The following ACSM4 variants were observed in gnomAD, a reference collection of about 807,000 sequenced individuals.
The protein encoded by ACSM4 is acyl-CoA synthetase medium chain family member 4.
A neutral mutation model predicts 73.0 loss-of-function variants in ACSM4; 66 were observed. The observed-to-expected ratio is 0.90, with a 90% confidence interval of 0.74 to 1.11. The LOEUF is 1.11. Among genes scored for constraint, ACSM4 ranks in the 50% least tolerant of loss-of-function variants. The probability of loss-of-function intolerance (pLI) is 0.00; values close to 1 mark genes in which losing one functional copy is unlikely to be tolerated. For missense variants in ACSM4, 645 were observed against 714.4 expected (o/e 0.90, Z 1.11); for synonymous variants, 222 against 254.0 (o/e 0.87, Z 1.20).
Position 7,326,985 on chromosome 12 carries a change from G to A in ACSM4, c.1546G>A (p.Ala516Thr), listed in dbSNP as rs762630201. 6.2e-7 allele frequency: 1 copy of A among 1,603,686 alleles called. No individual in the cohort carries two copies. Among genetic ancestry groups the A allele is most frequent in the South Asian group, 1.1e-5 (1 of 87,938 alleles). Reference sequence around the variant, plus strand: ...AACTTTTCTGTTGCAGGTGGTGAAAGCTTTTGTTGTCTTAGCTGCACCCTT... The same window carrying A: ...AACTTTTCTGTTGCAGGTGGTGAAAACTTTTGTTGTCTTAGCTGCACCCTT... ...PDQIRGEVVK[A>T]FVVLAAPFKS... The change falls in exon 12 of 13, where the codon GCT becomes ACT. Residue 516 changes from alanine (A) to threonine (T), a missense_variant. Ala to Thr is a moderately conservative substitution (Grantham distance 58, BLOSUM62 0). Coordinates refer to ENST00000399422, the MANE Select transcript of ACSM4 (RefSeq NM_001080454.2).
chr12:7,322,588 GC>G (rs1946472373), intron 7 of ACSM4, 47 bp downstream of exon 7: 1 of 1,554,518 alleles, frequency 6.4e-7, no homozygotes, highest in Non-Finnish European at 8.7e-7. Flanking sequence ...GGGCCTTTCT[GC>G]CCCAGGTTTT....
rs371225115 is a variant in ACSM4, at chr12:7,324,269, C to T, written c.1309-4C>T. 2.5e-6 allele frequency: 4 copies of T among 1,611,350 alleles called. No homozygotes were observed. The highest frequency in any genetic ancestry group is 3.4e-6 in the Non-Finnish European group (4 of 1,179,240). On this transcript the variant is annotated splice_region_variant and splice_polypyrimidine_tract_variant and intron_variant, in intron 9 of 12. Coordinates refer to ENST00000399422, the MANE Select transcript of ACSM4 (RefSeq NM_001080454.2). Reference sequence around the variant, plus strand: ...AATCCCCAAATGTCATCCTTGGTTCCCAGGACAATCCACAGAAAACTGCTG... The same window carrying T: ...AATCCCCAAATGTCATCCTTGGTTCTCAGGACAATCCACAGAAAACTGCTG...
chr12:7,312,992 TA>T (rs1946400009), intron 3 of ACSM4, among the ~76,000 whole-genome samples: 1 of 152,168 alleles, frequency 6.6e-6, no homozygotes, highest in Non-Finnish European at 1.5e-5. Context: ...ATACCAAAAA[TA>T]AAAATTTTAG....
Position 7,324,316 on chromosome 12 carries a change from A to G in ACSM4, c.1352A>G (p.Tyr451Cys), listed in dbSNP as rs752485354. The change falls in exon 10 of 13, where the codon TAT (tyrosine) becomes TGT (cysteine). Residue 451 changes from tyrosine (Y) to cysteine (C), a missense_variant. Physicochemically the swap from Tyr to Cys is radical, Grantham distance 194. Transcript: ENST00000399422. ...GCTGCCACGATAAGAGGAGATTTTTATGTCACTGGAGACAGAGGAGTGATG... is the reference window on the plus strand; with the variant it reads ...GCTGCCACGATAAGAGGAGATTTTTGTGTCACTGGAGACAGAGGAGTGATG... Reference protein sequence around the residue: ...KTAATIRGDFYVTGDRGVMDS... With the variant: ...KTAATIRGDFCVTGDRGVMDS... The G allele has an allele frequency of 1.2e-6, 2 of 1,613,878 alleles. No individual in the cohort carries two copies. Among genetic ancestry groups the G allele is most frequent in the Admixed American group, 3.3e-5 (2 of 60,004 alleles).
chr12:7,308,392 G>A (rs1258270322), intron 2 of ACSM4, among the ~76,000 whole-genome samples: 1 of 152,156 alleles, frequency 6.6e-6, no homozygotes, highest in Admixed American at 6.5e-5. Context: ...GCAAGGAGGT[G>A]AGATTATATT....
intron 5 of ACSM4, 163 bp downstream of exon 5, chr12:7,318,345 G>T: frequency 1.2e-6 from 1 of 814,226 alleles, no homozygotes; most frequent in Non-Finnish European, 1.8e-6. Context: ...AAACGTATTT[G>T]ACAGAATGGA....
chr12:7,321,695 G>A (rs1343802320), intron 6 of ACSM4, among the ~76,000 whole-genome samples: 1 of 152,220 alleles, frequency 6.6e-6, no homozygotes, highest in Non-Finnish European at 1.5e-5. Flanking sequence ...GGCTGTTCCA[G>A]GCTTTCTCAC....
intron 5 of ACSM4, 91 bp from the exon 6 acceptor site, chr12:7,320,634 A>T: frequency 9.4e-7 from 1 of 1,068,328 alleles, no homozygotes; most frequent in Non-Finnish European, 1.4e-6. Flanking sequence ...GGCACATATT[A>T]ATGGAAGAAA....
chr12:7,316,048 G>A lies in ACSM4; in HGVS notation c.621-1089G>A, dbSNP rs779494003. Among the ~76,000 whole-genome samples the A allele has an allele frequency of 1.9e-4, 29 of 152,320 alleles. No individual in the cohort carries two copies. The East Asian group carries it at 4.1e-3, about 21-fold the overall frequency. On this transcript the variant is annotated intron_variant, in intron 3 of 12. Coordinates refer to ENST00000399422, the MANE Select transcript of ACSM4 (RefSeq NM_001080454.2). ...CAGTGTATTAATGAAAACAAGTCATGAGATCACCCCAGATTCAAAGAGAGA... is the reference window on the plus strand; with the variant it reads ...CAGTGTATTAATGAAAACAAGTCATAAGATCACCCCAGATTCAAAGAGAGA...
chr12:7,319,698 G>A (rs1946445639), intron 5 of ACSM4, among the ~76,000 whole-genome samples: 1 of 152,024 alleles, frequency 6.6e-6, no homozygotes, highest in South Asian at 2.1e-4. Flanking sequence ...ACAGAAACCA[G>A]TCTGTCCTTT....
chr12:7,311,309 G>C (rs112086663), intron 3 of ACSM4, among the ~76,000 whole-genome samples: 2 of 152,144 alleles, frequency 1.3e-5, no homozygotes, highest in South Asian at 4.2e-4. Context: ...TGAGTATCCT[G>C]TGTGGTCTGG....
chr12:7,313,335 A>T (rs1946401351), intron 3 of ACSM4, among the ~76,000 whole-genome samples: 2 of 152,192 alleles, frequency 1.3e-5, no homozygotes, highest in Admixed American at 1.3e-4. Context: ...TAAACAAATG[A>T]CTTTGGAGTG....
chr12:7,311,781 C>G (rs1383612215), intron 3 of ACSM4, among the ~76,000 whole-genome samples: 1 of 152,078 alleles, frequency 6.6e-6, no homozygotes, highest in Non-Finnish European at 1.5e-5. Context: ...ACCTCCACCT[C>G]CGGGTTAAAG....
chr12:7,321,002 C>T (rs777785206), intron 6 of ACSM4, among the ~76,000 whole-genome samples, 198 bp downstream of exon 6: 11 of 152,248 alleles, frequency 7.2e-5, no homozygotes, highest in African/African-American at 9.6e-5. Context: ...CTCTATTAGA[C>T]GCCAGTAGCA....
intron 12 of ACSM4, among the ~76,000 whole-genome samples, chr12:7,327,551 T>G (rs866315353): frequency 6.6e-6 from 1 of 152,208 alleles, no homozygotes; most frequent in African/African-American, 2.4e-5. Flanking sequence ...TCCTGAAACC[T>G]TCTTCAAAGA....
At chr12:7,308,119 G>C (rs958891845) in intron 2 of ACSM4, among the ~76,000 whole-genome samples, 1 of 152,006 alleles carries the variant, frequency 6.6e-6, no homozygotes, top group African/African-American at 2.4e-5. Flanking sequence ...ATAATTACAA[G>C]GATTTCATAA....
At chr12:7,320,945 C>T (rs931734315) in intron 6 of ACSM4, 141 bp downstream of exon 6, 12 of 778,398 alleles carry the variant, frequency 1.5e-5, no homozygotes, top group Admixed American at 1.1e-4. Context: ...ATTCTATCGT[C>T]GGAGGACGGT....
At chr12:7,305,199 C>T (rs1591840994) in intron 1 of ACSM4, among the ~76,000 whole-genome samples, 1 of 152,316 alleles carries the variant, frequency 6.6e-6, no homozygotes, top group African/African-American at 2.4e-5. Context: ...ATTTGCTAAA[C>T]ACTCTCTTGA....
At chr12:7,307,386 C>T (rs1002921288) in intron 2 of ACSM4, among the ~76,000 whole-genome samples, 7 of 152,194 alleles carry the variant, frequency 4.6e-5, no homozygotes, top group Non-Finnish European at 8.8e-5. Context: ...GTACCAACAT[C>T]TCTTTGCAGT....
Sources: allele counts gnomAD v4.1 joint callset (sites outside exome capture counted in the v4.1 genomes callset), GRCh38; gene constraint gnomAD v4.1.1; transcripts MANE v1.5; gene names NCBI Gene and HGNC (gene_info 2026-07-23, HGNC 2026-07-21).